The following CCT2 variants were observed in gnomAD, a reference collection of about 807,000 sequenced individuals.
The protein encoded by CCT2 is chaperonin containing TCP1 subunit 2.
CCT2 carries 18 observed loss-of-function variants against 61.8 expected under a neutral mutation model. The observed-to-expected ratio is 0.29, with a 90% CI of 0.20 to 0.43. CCT2 has a LOEUF of 0.43. CCT2 is among the 20% of genes least tolerant of loss of function. CCT2 has a pLI of 1.00. For synonymous variants in CCT2, 248 were observed against 215.9 expected (o/e 1.15, Z -1.30); for missense variants, 556 against 656.9 (o/e 0.85, Z 1.68).
chr12:69,589,783 C>A, intron 7 of CCT2, 96 bp downstream of exon 7: 2 of 974,720 alleles, frequency 2.1e-6, no homozygotes, highest in South Asian at 1.5e-5. Flanking sequence ...CTTTACAAAG[C>A]CAGTGAACTT....
Position 69,601,399 on chromosome 12 carries a change from G to T in CCT2, c.*74G>T, listed in dbSNP as rs867000966. ...GTTTGAAAGATACTCTATTAAAGAA[G>T]ACTGTGGAATCTGTTTATCGGTGCC... is the stretch of plus-strand genomic sequence containing the variant. On this transcript the variant is annotated 3_prime_UTR_variant, in exon 16 of 16. Transcript: ENST00000299300. The T allele has an allele frequency of 2.5e-5, 40 of 1,613,172 alleles. No homozygotes were observed. The Middle Eastern group carries it at 1.8e-3, about 73-fold the overall frequency.
At chr12:69,588,997 C>T (rs113013492) in intron 6 of CCT2, among the ~76,000 whole-genome samples, 1,525 of 152,336 alleles carry the variant, frequency 0.01, 21 homozygotes, top group African/African-American at 0.035. Context: ...GGCACGACTT[C>T]GGCTGACTGC....
intron 11 of CCT2, 111 bp downstream of exon 11, chr12:69,597,386 C>G: frequency 7.6e-7 from 1 of 1,314,124 alleles, no homozygotes; most frequent in Non-Finnish European, 1.1e-6. Context: ...CTTAACTCTT[C>G]AGAAGCATGA....
At chr12:69,599,725 G>T in intron 14 of CCT2, 138 bp from the exon 15 acceptor site, 23 of 571,686 alleles carry the variant, frequency 4.0e-5, no homozygotes, top group Admixed American at 7.1e-5. Flanking sequence ...GAGCTCATTT[G>T]TAGGCTTATC....
intron 7 of CCT2, among the ~76,000 whole-genome samples, chr12:69,590,367 T>C (rs944394356): frequency 6.6e-6 from 1 of 152,210 alleles, no homozygotes; most frequent in South Asian, 2.1e-4. Flanking sequence ...AAAAATTTCT[T>C]TAACAAATAA....
intron 10 of CCT2, among the ~76,000 whole-genome samples, chr12:69,595,073 G>GACCTGGAGACCTGGAT (rs2135856822): frequency 1.3e-5 from 2 of 152,032 alleles, no homozygotes; most frequent in East Asian, 3.9e-4. Context: ...GAATTAAGGA[G>GACCTGGAGACCTGGAT]ACCTGGGTTA....
intron 2 of CCT2, among the ~76,000 whole-genome samples, 199 bp from the exon 3 acceptor site, chr12:69,586,554 G>A (rs1881665779): frequency 6.6e-6 from 1 of 152,024 alleles, no homozygotes; most frequent in Non-Finnish European, 1.5e-5. Flanking sequence ...TGTAATCCCA[G>A]CTACTCGGGA....
chr12:69,594,607 A>G (rs943931916), intron 10 of CCT2, among the ~76,000 whole-genome samples: 2 of 152,194 alleles, frequency 1.3e-5, no homozygotes, highest in South Asian at 4.1e-4. Flanking sequence ...TTGTAATCCC[A>G]GTGCTTTGAG....
Position 69,597,208 on chromosome 12 carries a change from T to G in CCT2, c.1035T>G (p.Ser345Arg). ...FDHPELVKLGSCKLIEEVMIG... is the reference protein window; with the variant it reads ...FDHPELVKLGRCKLIEEVMIG... ...ACCCAGAACTGGTGAAGCTTGGAAG[T>G]TGCAAACTTATCGAGGAAGTCATGA... Residue 345 changes from serine to arginine, a missense_variant, in exon 11 of 16, where the codon AGT becomes AGG. Transcript: ENST00000299300. The G allele has an allele frequency of 6.2e-7, 1 of 1,614,058 alleles. No individual in the cohort carries two copies. The highest frequency in any genetic ancestry group is 8.5e-7 in the Non-Finnish European group (1 of 1,179,912).
In CCT2 at chr12:69,588,274, A is replaced by G. The variant is rs1218611199; in HGVS notation, c.446+12A>G. On this transcript the variant is annotated intron_variant, in intron 6 of 15. Coordinates refer to ENST00000299300, the MANE Select transcript of CCT2 (RefSeq NM_006431.3). ...GCAGTTGATCATGGGTTTGTATAGC[A>G]AAGTACTACTGTTCTAAACATTTAG... The G allele has an allele frequency of 6.5e-7, 1 of 1,545,918 alleles. No individual in the cohort carries two copies. Among genetic ancestry groups the G allele is most frequent in the Non-Finnish European group, 8.9e-7 (1 of 1,117,958 alleles).
At chr12:69,595,656 T>C (rs903293937) in intron 10 of CCT2, among the ~76,000 whole-genome samples, 64 of 130,632 alleles carry the variant, frequency 4.9e-4, no homozygotes, top group African/African-American at 1.9e-3. Context: ...GCCACTGCAC[T>C]CCAGCCTGGG....
chr12:69,592,276 G>C, intron 8 of CCT2, 117 bp downstream of exon 8: 1 of 529,382 alleles, frequency 1.9e-6, no homozygotes, highest in Non-Finnish European at 3.5e-6. Flanking sequence ...AGAAGTTTGA[G>C]ACCAGCCTGA....
chr12:69,587,280 C>T (rs755677376), intron 3 of CCT2: 12 of 431,202 alleles, frequency 2.8e-5, no homozygotes, highest in South Asian at 6.3e-5. Context: ...TTTGCAGTTA[C>T]GGTGTTGAAA....
chr12:69,598,048 T>A lies in CCT2; in HGVS notation c.1312T>A (p.Ser438Thr), dbSNP rs1882041644. Residue 438 changes from serine (S) to threonine (T), a missense_variant, in exon 13 of 16, where the codon TCT becomes ACT. Physicochemically the swap from Ser to Thr is moderately conservative, Grantham distance 58. This residue lies in a region of CCT2 where 225 missense variants were observed against 249.8 expected (regional missense o/e 0.90). Coordinates refer to ENST00000299300, the MANE Select transcript of CCT2 (RefSeq NM_006431.3). ...AGGCAAAGAAGCTGTTGCAATGGAG[T>A]CTTATGCTAAAGCACTGAGAATGGT... ...TPGKEAVAME[S>T]YAKALRMLPT... The A allele has an allele frequency of 6.2e-7, 1 of 1,612,684 alleles. No individual in the cohort carries two copies. Among genetic ancestry groups the A allele is most frequent in the East Asian group, 2.2e-5 (1 of 44,870 alleles).
intron 6 of CCT2, chr12:69,589,214 T>G: frequency 2.2e-6 from 1 of 458,668 alleles, no homozygotes; most frequent in East Asian, 4.4e-5. Flanking sequence ...CGTGAGCCAC[T>G]GTGCCCGGCC....
At chr12:69,598,478 CTTTT>C in intron 14 of CCT2, 57 bp downstream of exon 14, 4 of 1,023,372 alleles carry the variant, frequency 3.9e-6, no homozygotes, top group Non-Finnish European at 5.7e-6. Flanking sequence ...TTTCACTAAG[CTTTT>C]TTTTTCTTTT....
At position 69,601,518 on chromosome 12, in the gene CCT2, T is replaced by A; in HGVS notation, c.*193T>A. The A allele has an allele frequency of 2.8e-6, 4 of 1,428,882 alleles. No homozygotes were observed. Among genetic ancestry groups the A allele is most frequent in the East Asian group, 2.6e-5 (1 of 39,022 alleles). 88.5% of individuals were successfully genotyped at this position (1,428,882 alleles called of 1,614,324 possible). A position where few individuals can be genotyped will look rare whatever the true frequency, so the allele number is the denominator to read the frequency against. ...TCATTTTCCATACAAATCAGTTGAT[T>A]TAAAAAAGTTCATTTCTCATACTGT... On this transcript the variant is annotated 3_prime_UTR_variant, in exon 16 of 16. Coordinates refer to ENST00000299300, the MANE Select transcript of CCT2 (RefSeq NM_006431.3).
At chr12:69,589,918 T>A (rs1438772771) in intron 7 of CCT2, among the ~76,000 whole-genome samples, 1 of 152,208 alleles carries the variant, frequency 6.6e-6, no homozygotes, top group Non-Finnish European at 1.5e-5. Context: ...TGAAGTTATT[T>A]GCAGTCTCTG....
intron 15 of CCT2, among the ~76,000 whole-genome samples, chr12:69,600,628 C>T (rs1859489825): frequency 6.6e-6 from 1 of 151,748 alleles, no homozygotes. Context: ...ACAGCTGCTT[C>T]ATAACTCTTG....
Sources: allele counts gnomAD v4.1 joint callset (sites outside exome capture counted in the v4.1 genomes callset), GRCh38; gene constraint gnomAD v4.1.1; regional missense constraint gnomAD v4.1.1; transcripts MANE v1.5; gene names NCBI Gene and HGNC (gene_info 2026-07-23, HGNC 2026-07-21).